Variants in SLC24A2 observed in about 807,000 individuals in gnomAD.
SLC24A2 encodes the protein sodium/potassium/calcium exchanger 2.
In SLC24A2, 36 loss-of-function variants were observed where a neutral mutation model predicts 62.0. The observed-to-expected ratio is 0.58, with a 90% confidence interval of 0.44 to 0.77. The LOEUF (loss-of-function observed/expected upper bound fraction) is 0.77. SLC24A2 is among the 30% of genes least tolerant of loss of function. The pLI is 0.00. For missense variants in SLC24A2, 846 were observed against 817.9 expected, an observed-to-expected ratio of 1.03 and a Z score of -0.42; for synonymous variants, 358 against 294.0, an observed-to-expected ratio of 1.22 and a Z score of -2.23.
chr9:19,644,777 T>C (rs1818595976), intron 2 of SLC24A2, among the ~76,000 whole-genome samples: 1 of 152,222 alleles, frequency 6.6e-6, no homozygotes, highest in Admixed American at 6.5e-5. Flanking sequence ...TAATGAATAC[T>C]TGTAAATATC....
the SLC24A2 span, among the ~76,000 whole-genome samples, chr9:19,887,101 G>A: frequency 6.6e-6 from 1 of 152,140 alleles, no homozygotes; most frequent in Non-Finnish European, 1.5e-5. Flanking sequence ...TGCGTGCTGC[G>A]CTTAATACCT....
At chr9:20,199,801 C>T in the SLC24A2 span, among the ~76,000 whole-genome samples, 3 of 151,362 alleles carry the variant, frequency 2.0e-5, no homozygotes, top group African/African-American at 7.3e-5. Context: ...TCACTGCAAC[C>T]TCTGCCTCCC....
intron 2 of SLC24A2, among the ~76,000 whole-genome samples, chr9:19,639,381 G>C (rs527773741): frequency 6.6e-6 from 1 of 152,212 alleles, no homozygotes; most frequent in East Asian, 1.9e-4. Flanking sequence ...GTGACGCTTT[G>C]GGCAACAGAA....
At chr9:19,734,000 T>C (rs1159425158) in intron 2 of SLC24A2, among the ~76,000 whole-genome samples, 2 of 152,192 alleles carry the variant, frequency 1.3e-5, no homozygotes, top group African/African-American at 2.4e-5. Context: ...ATTATGATGA[T>C]AGAGGCAAGT....
chr9:19,513,177 T>TATATATATAC lies in SLC24A2; in HGVS notation c.*2975_*2976insGTATATATAT, dbSNP rs1491144071. On this transcript the variant is annotated 3_prime_UTR_variant, in exon 11 of 11. Coordinates refer to ENST00000341998, the MANE Select transcript of SLC24A2 (RefSeq NM_020344.4). ...AGATATATATATATATATATATATG[T>TATATATATAC]ATATATATATATATGTATATATTTA... 1.9e-5 allele frequency: 1 copy of TATATATATAC among 52,084 alleles called. No individual in the cohort carries two copies. Among genetic ancestry groups the TATATATATAC allele is most frequent in the African/African-American group, 8.5e-5 (1 of 11,698 alleles). 3.2% of individuals were successfully genotyped at this position (52,084 alleles called of 1,614,324 possible).
At chr9:19,760,504 C>T (rs1015031210) in intron 2 of SLC24A2, among the ~76,000 whole-genome samples, 1 of 151,948 alleles carries the variant, frequency 6.6e-6, no homozygotes, top group African/African-American at 2.4e-5. Flanking sequence ...TCTCCTAATG[C>T]TATCCCTCCC....
intron 2 of SLC24A2, among the ~76,000 whole-genome samples, chr9:19,722,856 C>G (rs1286435698): frequency 1.3e-5 from 2 of 152,060 alleles, no homozygotes; most frequent in Non-Finnish European, 2.9e-5. Flanking sequence ...CAAAGAGTTT[C>G]TAGAGCATTT....
At chr9:19,747,412 T>A (rs1821863912) in intron 2 of SLC24A2, among the ~76,000 whole-genome samples, 1 of 152,208 alleles carries the variant, frequency 6.6e-6, no homozygotes, top group African/African-American at 2.4e-5. Context: ...TGTTACATTA[T>A]GCAAGTCCTT....
At chr9:19,918,785 C>T in the SLC24A2 span, among the ~76,000 whole-genome samples, 1 of 152,194 alleles carries the variant, frequency 6.6e-6, no homozygotes, top group Admixed American at 6.5e-5. Context: ...TCCACATGAC[C>T]AGCCAGATGC....
At chr9:19,764,621 T>C (rs2118867679) in intron 2 of SLC24A2, among the ~76,000 whole-genome samples, 1 of 152,326 alleles carries the variant, frequency 6.6e-6, no homozygotes, top group South Asian at 2.1e-4. Flanking sequence ...TTTGAGTGAG[T>C]TTCTTTATCC....
chr9:19,964,226 G>A, the SLC24A2 span, among the ~76,000 whole-genome samples: 3 of 113,552 alleles, frequency 2.6e-5, no homozygotes, highest in Non-Finnish European at 3.5e-5. Flanking sequence ...TTGTGGGGTG[G>A]GGGGAGGGGG....
the SLC24A2 span, among the ~76,000 whole-genome samples, chr9:19,906,231 G>A: frequency 6.6e-6 from 1 of 151,890 alleles, no homozygotes; most frequent in Admixed American, 6.6e-5. Context: ...ATGACTACTG[G>A]GTACATAACG....
At chr9:19,776,736 G>C (rs1564094882) in intron 2 of SLC24A2, among the ~76,000 whole-genome samples, 2 of 152,202 alleles carry the variant, frequency 1.3e-5, no homozygotes, top group East Asian at 3.8e-4. Context: ...AAAAAGAGTT[G>C]GGTGATATGG....
chr9:19,612,858 A>G (rs558015710), intron 4 of SLC24A2, among the ~76,000 whole-genome samples: 2 of 152,306 alleles, frequency 1.3e-5, no homozygotes, highest in East Asian at 3.9e-4. Flanking sequence ...AAAACAAACA[A>G]AAACAACTGA....
chr9:19,940,990 T>C, the SLC24A2 span, among the ~76,000 whole-genome samples: 2 of 152,214 alleles, frequency 1.3e-5, no homozygotes, highest in Non-Finnish European at 2.9e-5. Flanking sequence ...TTCTGGTCAA[T>C]AACGCAGGCC....
chr9:19,928,386 C>G, the SLC24A2 span: 3 of 152,242 alleles, frequency 2.0e-5, no homozygotes, highest in African/African-American at 7.2e-5. Flanking sequence ...GGAGAGGTTT[C>G]TGGGTAGGGG....
chr9:20,148,415 C>T, the SLC24A2 span, among the ~76,000 whole-genome samples: 10 of 152,122 alleles, frequency 6.6e-5, no homozygotes, highest in East Asian at 1.9e-4. Flanking sequence ...TTAGATAAAA[C>T]GCTTCTGTAC....
the SLC24A2 span, among the ~76,000 whole-genome samples, chr9:19,883,685 C>T: frequency 6.6e-6 from 1 of 152,010 alleles, no homozygotes; most frequent in Admixed American, 6.6e-5. Context: ...CCTGCCTCGG[C>T]CTCCTGAGTA....
At chr9:20,054,178 T>G in the SLC24A2 span, among the ~76,000 whole-genome samples, 1 of 152,096 alleles carries the variant, frequency 6.6e-6, no homozygotes, top group African/African-American at 2.4e-5. Context: ...CTTTTTCTTT[T>G]CTTTTCTTTT....
Sources: allele counts gnomAD v4.1 joint callset (sites outside exome capture counted in the v4.1 genomes callset), GRCh38; gene constraint gnomAD v4.1.1; transcripts MANE v1.5; gene names NCBI Gene and HGNC (gene_info 2026-07-23, HGNC 2026-07-21).